Variants in ZNF730 observed in about 807,000 individuals in gnomAD.
ZNF730 encodes zinc finger protein 730, also known as putative zinc finger protein 730.
ZNF730 carries 12 observed loss-of-function variants against 12.6 expected under a neutral mutation model. The observed-to-expected ratio is 0.95, with a 90% CI of 0.61 to 1.54. The LOEUF is 1.54. Among genes scored for constraint, ZNF730 ranks in the 40% most tolerant of loss-of-function variants. The probability of loss-of-function intolerance (pLI) is 0.00; values close to 1 mark genes in which losing one functional copy is unlikely to be tolerated. For missense variants in ZNF730, 643 were observed against 583.5 expected, an observed-to-expected ratio of 1.10 and a Z score of -1.05; for synonymous variants, 194 against 195.8, an observed-to-expected ratio of 0.99 and a Z score of 0.08.
At chr19:23,121,572 C>T (rs976914024) in intron 1 of ZNF730, among the ~76,000 whole-genome samples, 12 of 152,164 alleles carry the variant, frequency 7.9e-5, no homozygotes, top group African/African-American at 2.7e-4. Context: ...GAACTCCTGA[C>T]CTCGTGATCC....
rs114645275 is a variant in ZNF730 at position 23,079,211 on chromosome 19, G to A, written c.-94+3824G>A. 5.6e-3 allele frequency among the ~76,000 whole-genome samples: 860 copies of A among 152,232 alleles called. 13 individuals carry two copies. Among genetic ancestry groups the A allele is most frequent in the African/African-American group, 0.019 (800 of 41,536 alleles). ...TTGCTCTTGTTGCCCAGGGTAGAGCGCAGCGGTGCGACCTTGGCTCACTGC... is the reference window on the plus strand; with the variant it reads ...TTGCTCTTGTTGCCCAGGGTAGAGCACAGCGGTGCGACCTTGGCTCACTGC... On this transcript the variant is annotated intron_variant, in intron 1 of 2. Coordinates refer to the ZNF730 transcript ENST00000593635.
intron 2 of ZNF730, among the ~76,000 whole-genome samples, chr19:23,135,520 A>AT (rs1194289700): frequency 6.6e-6 from 1 of 151,630 alleles, no homozygotes; most frequent in African/African-American, 2.4e-5. Flanking sequence ...TATTTTTTTT[A>AT]TTTTTTTGGA....
intron 1 of ZNF730, among the ~76,000 whole-genome samples, chr19:23,122,357 A>T (rs1309277326): frequency 6.6e-6 from 1 of 152,022 alleles, no homozygotes; most frequent in African/African-American, 2.4e-5. Flanking sequence ...TGGCCAGGCT[A>T]GTCTCAAACT....
At chr19:23,120,375 C>A (rs372899725) in intron 1 of ZNF730, among the ~76,000 whole-genome samples, 2 of 151,544 alleles carry the variant, frequency 1.3e-5, no homozygotes, top group African/African-American at 4.8e-5. Context: ...TTCACTGATT[C>A]ATTTTGTTGT....
intron 1 of ZNF730, among the ~76,000 whole-genome samples, chr19:23,101,019 T>A (rs762785623): frequency 6.6e-6 from 1 of 152,094 alleles, no homozygotes; most frequent in Non-Finnish European, 1.5e-5. Flanking sequence ...AAACCAATAG[T>A]TTAGTTTAGT....
At chr19:23,096,611 T>G (rs939204244) in intron 1 of ZNF730, among the ~76,000 whole-genome samples, 3 of 152,130 alleles carry the variant, frequency 2.0e-5, no homozygotes, top group African/African-American at 7.2e-5. Context: ...ATGCGATTCT[T>G]TTTTTTCTGA....
In ZNF730 at chr19:23,145,949, A is replaced by AT. The variant is rs529180941; in HGVS notation, c.906dup (p.Lys303Ter). ...AACCAGTCCTCAAACCTTACTGAAC[A>AT]TAAGAAAATTCATACTAAAGAGCAA... On this transcript the variant is annotated frameshift_variant, in exon 4 of 4. Transcript: ENST00000597761. LOFTEE classifies it low-confidence loss of function (END_TRUNC). The AT allele has an allele frequency of 3.6e-3, 5,780 of 1,608,564 alleles. 24 individuals carry two copies. Among genetic ancestry groups the AT allele is most frequent in the South Asian group, 7.8e-3 (706 of 90,160 alleles).
Position 23,145,611 on chromosome 19 carries a change from T to G in ZNF730, c.567T>G (p.Ala189=). Residue 189 remains alanine, a synonymous_variant, in exon 4 of 4, where the codon GCT becomes GCG. Coordinates refer to ENST00000597761, the MANE Select transcript of ZNF730 (RefSeq NM_001277403.2). ...TATTTTGCATTCTTTCACACTTAGC[T>G]CAACATAAAAAAATTCATACTGGAG... ...GKLFCILSHL[A]QHKKIHTGEK... 1.9e-6 allele frequency: 3 copies of G among 1,546,260 alleles called. No individual in the cohort carries two copies. Among genetic ancestry groups the G allele is most frequent in the Non-Finnish European group, 2.6e-6 (3 of 1,147,638 alleles).
chr19:23,091,749 A>G (rs1332629550), intron 1 of ZNF730, among the ~76,000 whole-genome samples: 1 of 152,096 alleles, frequency 6.6e-6, no homozygotes, highest in East Asian at 1.9e-4. Flanking sequence ...CTGTACCCCT[A>G]TTGTATCTAG....
chr19:23,098,558 A>C (rs1473656559), intron 1 of ZNF730: 2 of 152,196 alleles, frequency 1.3e-5, no homozygotes, highest in Non-Finnish European at 2.9e-5. Context: ...TATTACATAA[A>C]AAATGTGACT....
chr19:23,113,216 T>C (rs1206146136), upstream of ZNF730, among the ~76,000 whole-genome samples: 1 of 152,182 alleles, frequency 6.6e-6, no homozygotes, highest in East Asian at 1.9e-4. Flanking sequence ...AAGTAGACTA[T>C]AGCTAATTAT....
At chr19:23,134,599 G>C (rs1294452327) in intron 2 of ZNF730, among the ~76,000 whole-genome samples, 5 of 136,564 alleles carry the variant, frequency 3.7e-5, no homozygotes, top group African/African-American at 5.5e-5. Flanking sequence ...TGGAGGGTGG[G>C]GGGGGGGGTC....
At chr19:23,143,088 C>CA (rs1201276511) in intron 3 of ZNF730, among the ~76,000 whole-genome samples, 1 of 151,556 alleles carries the variant, frequency 6.6e-6, no homozygotes, top group African/African-American at 2.4e-5. Flanking sequence ...ACTAAAAACA[C>CA]AAAAAATTAG....
At chr19:23,126,626 T>G in intron 1 of ZNF730, 1 of 501,694 alleles carries the variant, frequency 2.0e-6, no homozygotes, top group Non-Finnish European at 3.9e-6. Flanking sequence ...GGTTACCCTT[T>G]GCATGCTTCA....
At chr19:23,084,467 C>T (rs1187277698) in intron 1 of ZNF730, among the ~76,000 whole-genome samples, 3 of 152,130 alleles carry the variant, frequency 2.0e-5, no homozygotes, top group Non-Finnish European at 4.4e-5. Context: ...TTCTTTAAAA[C>T]GTACAAATAG....
At chr19:23,093,980 G>T (rs1970201451) in intron 1 of ZNF730, among the ~76,000 whole-genome samples, 1 of 152,198 alleles carries the variant, frequency 6.6e-6, no homozygotes. Flanking sequence ...CCAGCTTGAA[G>T]TGTTTCAGGT....
intron 3 of ZNF730, among the ~76,000 whole-genome samples, chr19:23,142,673 G>A (rs1383033906): frequency 1.9e-5 from 2 of 107,956 alleles, no homozygotes; most frequent in Non-Finnish European, 3.6e-5. Context: ...GGGTGACAGA[G>A]TGAGACTCTG....
chr19:23,114,130 A>C (rs1428572509), upstream of ZNF730, among the ~76,000 whole-genome samples: 4 of 152,026 alleles, frequency 2.6e-5, no homozygotes, highest in Non-Finnish European at 5.9e-5. Context: ...TTTCACTTCT[A>C]TTTTCTGATG....
In ZNF730 at chr19:23,145,521, T is replaced by A. The variant is rs746854276; in HGVS notation, c.477T>A (p.Asn159Lys). 2 of 1,559,532 alleles carry A rather than the reference T, an allele frequency of 1.3e-6. No homozygotes were observed. The highest frequency in any genetic ancestry group is 1.4e-5 in the African/African-American group (1 of 73,276). ...KYVKVFHKFS[N>K]SNRHKIRHTS... is the part of the protein sequence containing the mutation. ...TGAAAGTCTTTCATAAATTTTCAAA[T>A]TCAAACAGACATAAGATAAGACATA... is the stretch of plus-strand genomic sequence containing the variant. The change falls in exon 4 of 4, where the codon AAT becomes AAA. Residue 159 changes from asparagine to lysine, a missense_variant. By Grantham distance (94) the Asn-to-Lys change is moderately conservative (BLOSUM62 0). Transcript: ENST00000597761.
Sources: allele counts gnomAD v4.1 joint callset (sites outside exome capture counted in the v4.1 genomes callset), GRCh38; gene constraint gnomAD v4.1.1; transcripts MANE v1.5; gene names NCBI Gene and HGNC (gene_info 2026-07-23, HGNC 2026-07-21).